UBE2V2: variants seen among roughly 807,000 people sequenced by gnomAD.
UBE2V2 encodes ubiquitin conjugating enzyme E2 V2.
In UBE2V2, 9 loss-of-function variants were observed where a neutral mutation model predicts 17.2. The ratio of observed to expected loss-of-function variants is 0.52; its 90% CI spans 0.32 to 0.91. The LOEUF (loss-of-function observed/expected upper bound fraction) is 0.91. UBE2V2 is among the 40% of genes least tolerant of loss of function. The probability of loss-of-function intolerance (pLI) is 0.04; values close to 1 mark genes in which losing one functional copy is unlikely to be tolerated. For missense variants in UBE2V2, 133 were observed against 182.6 expected (o/e 0.73, Z 1.56); for synonymous variants, 61 against 57.5 (o/e 1.06, Z -0.28).
intron 1 of UBE2V2, among the ~76,000 whole-genome samples, chr8:48,040,730 G>A (rs1051193333): frequency 6.6e-6 from 1 of 151,460 alleles, no homozygotes; most frequent in Non-Finnish European, 1.5e-5. Flanking sequence ...GGGTTCAAGC[G>A]ATTCTGCAGC....
At chr8:48,054,746 G>T (rs962590537) in intron 3 of UBE2V2, among the ~76,000 whole-genome samples, 1 of 152,178 alleles carries the variant, frequency 6.6e-6, no homozygotes, top group African/African-American at 2.4e-5. Context: ...GTTATTCCCT[G>T]TGGGTGGTTA....
At chr8:48,023,966 A>G (rs1476851199) in intron 1 of UBE2V2, among the ~76,000 whole-genome samples, 1 of 152,170 alleles carries the variant, frequency 6.6e-6, no homozygotes, top group Non-Finnish European at 1.5e-5. Flanking sequence ...GCTGATTAAA[A>G]TAAGTTTGAC....
At chr8:48,048,677 C>A (rs779879462) in intron 2 of UBE2V2, among the ~76,000 whole-genome samples, 5 of 151,662 alleles carry the variant, frequency 3.3e-5, no homozygotes, top group Non-Finnish European at 5.9e-5. Context: ...ATACATATAA[C>A]ATTGTTGCAT....
intron 1 of UBE2V2, among the ~76,000 whole-genome samples, chr8:48,026,230 T>C (rs1220399408): frequency 6.6e-6 from 1 of 152,140 alleles, no homozygotes; most frequent in Non-Finnish European, 1.5e-5. Context: ...AACAGCTATG[T>C]AACCCGGGCT....
In UBE2V2 at chr8:48,062,659, A is replaced by G. The variant is rs1802614407; in HGVS notation, c.*1831A>G. ...ATATTAAAATAGTTACTTTTATAGT[A>G]GAGCACATTTCTCAAACATGCCCTG... On this transcript the variant is annotated 3_prime_UTR_variant, in exon 4 of 4. Transcript: ENST00000523111. 1 of 152,130 alleles carries G rather than the reference A, an allele frequency of 6.6e-6. No individual in the cohort carries two copies. The highest frequency in any genetic ancestry group is 1.5e-5 in the Non-Finnish European group (1 of 68,010). 9.4% of individuals were successfully genotyped at this position (152,130 alleles called of 1,614,324 possible).
intron 1 of UBE2V2, among the ~76,000 whole-genome samples, chr8:48,039,200 C>T (rs572425940): frequency 2.0e-4 from 30 of 152,164 alleles, no homozygotes; most frequent in Middle Eastern, 3.4e-3. Context: ...GTGCCTCGCC[C>T]GACCCCTGAT....
chr8:48,045,566 C>T (rs554382332), intron 2 of UBE2V2, among the ~76,000 whole-genome samples: 11 of 152,132 alleles, frequency 7.2e-5, no homozygotes, highest in South Asian at 2.1e-4. Context: ...GAGAAGGGGG[C>T]GAAGGTAAGG....
chr8:47,999,513 T>G, the UBE2V2 span, among the ~76,000 whole-genome samples: 1 of 152,180 alleles, frequency 6.6e-6, no homozygotes, highest in African/African-American at 2.4e-5. Flanking sequence ...TGTTCCACCA[T>G]GCCCAGCTAA....
Position 48,043,151 on chromosome 8 carries a change from G to A in UBE2V2, c.135G>A (p.Arg45=), listed in dbSNP as rs1195611544. The part of the protein sequence containing the change: ...LEDDEDMTLT[R]WTGMIIGPPR... ...ATGATGAAGATATGACACTTACAAG[G>A]TGGACAGGCATGATTATTGGGCCAC... Residue 45 remains arginine, a synonymous_variant, in exon 2 of 4, where the codon AGG becomes AGA. Transcript: ENST00000523111. The A allele has an allele frequency of 2.5e-6, 4 of 1,578,996 alleles. No individual in the cohort carries two copies. In the Admixed American group the frequency reaches 5.1e-5, roughly 20 times the overall value.
intron 3 of UBE2V2, among the ~76,000 whole-genome samples, chr8:48,056,091 A>G (rs578013659): frequency 1.3e-5 from 2 of 152,266 alleles, no homozygotes; most frequent in South Asian, 4.2e-4. Flanking sequence ...CCCATTCTGG[A>G]TGTTTCATAT....
intron 3 of UBE2V2, among the ~76,000 whole-genome samples, chr8:48,057,462 C>T (rs1054488199): frequency 5.9e-5 from 9 of 151,740 alleles, no homozygotes; most frequent in South Asian, 2.1e-4. Context: ...CCACCACGCC[C>T]GGCTAATTTT....
At chr8:48,001,099 C>G in the UBE2V2 span, among the ~76,000 whole-genome samples, 1 of 152,102 alleles carries the variant, frequency 6.6e-6, no homozygotes, top group Non-Finnish European at 1.5e-5. Context: ...CATTATTGAG[C>G]TCTCACACTC....
chr8:47,999,795 G>A, the UBE2V2 span, among the ~76,000 whole-genome samples: 2 of 152,284 alleles, frequency 1.3e-5, no homozygotes, highest in Admixed American at 6.5e-5. Flanking sequence ...AGCTTTATAC[G>A]GTCGGGAGCA....
intron 1 of UBE2V2, 38 bp downstream of exon 1, chr8:48,008,508 G>T (rs751298482): frequency 2.6e-6 from 4 of 1,558,118 alleles, no homozygotes. Flanking sequence ...TTTCCGCTCC[G>T]ACCCGGCTCT....
Position 48,060,856 on chromosome 8 carries a change from A to G in UBE2V2, c.*28A>G. 1 of 1,482,936 alleles carries G rather than the reference A, an allele frequency of 6.7e-7. No homozygotes were observed. The highest frequency in any genetic ancestry group is 2.5e-5 in the East Asian group (1 of 40,250). 91.9% of individuals were successfully genotyped at this position (1,482,936 alleles called of 1,614,324 possible). On this transcript the variant is annotated 3_prime_UTR_variant, in exon 4 of 4. Transcript: ENST00000523111. ...TTAGTGGATCTCAAACTTGTCTTAA[A>G]TCAACAACCTTCTACTCATGTTAAT...
the UBE2V2 span, among the ~76,000 whole-genome samples, chr8:48,002,135 G>A: frequency 6.6e-6 from 1 of 151,672 alleles, no homozygotes; most frequent in Non-Finnish European, 1.5e-5. Context: ...CCAAAAAGAA[G>A]CAGAGGCTTA....
At chr8:48,035,461 T>C (rs2091416179) in intron 1 of UBE2V2, among the ~76,000 whole-genome samples, 1 of 151,888 alleles carries the variant, frequency 6.6e-6, no homozygotes, top group South Asian at 2.1e-4. Flanking sequence ...TAGGAAGGTT[T>C]GCGCAGCTTC....
At chr8:48,002,087 C>T in the UBE2V2 span, among the ~76,000 whole-genome samples, 2 of 148,464 alleles carry the variant, frequency 1.3e-5, no homozygotes, top group East Asian at 3.9e-4. Flanking sequence ...AACTCCGACT[C>T]AGAAAAAAAA....
At position 48,035,107 on chromosome 8, in the gene UBE2V2, CTTTTTTTTTTT is replaced by C. The variant is rs578114987; in HGVS notation, c.17-7911_17-7901del. The C allele has an allele frequency of 7.3e-4, 623 of 855,646 alleles. 2 individuals carry two copies. The African/African-American group carries it at 0.015, about 21-fold the overall frequency. 53.0% of individuals were successfully genotyped at this position (855,646 alleles called of 1,614,324 possible). A position where few individuals can be genotyped will look rare whatever the true frequency, so the allele number is the denominator to read the frequency against. Reference sequence around the variant, plus strand: ...TAGCATTGCTGCTTCCCTATTTATTCTTTTTTTTTTTTTTTTTTTTTTTTTGGAGGTGGAGT... The same window carrying C: ...TAGCATTGCTGCTTCCCTATTTATTCTTTTTTTTTTTTTTGGAGGTGGAGT... On this transcript the variant is annotated intron_variant, in intron 1 of 3. Coordinates refer to ENST00000523111, the MANE Select transcript of UBE2V2 (RefSeq NM_003350.3).
Sources: allele counts gnomAD v4.1 joint callset (sites outside exome capture counted in the v4.1 genomes callset), GRCh38; gene constraint gnomAD v4.1.1; transcripts MANE v1.5; gene names NCBI Gene and HGNC (gene_info 2026-07-23, HGNC 2026-07-21).